SH3RF3: variants seen among roughly 807,000 people sequenced by gnomAD.
The protein encoded by SH3RF3 is SH3 domain containing ring finger 3, also known as E3 ubiquitin-protein ligase SH3RF3.
Under a neutral mutation model 66.3 loss-of-function variants are expected in SH3RF3, and 29 were observed. The ratio of observed to expected loss-of-function variants is 0.44; its 90% confidence interval spans 0.33 to 0.60. SH3RF3 has a LOEUF of 0.60. SH3RF3 is among the 20% of genes least tolerant of loss of function. The probability of loss-of-function intolerance (pLI) is 0.04; values close to 1 mark genes in which losing one functional copy is unlikely to be tolerated. For missense variants in SH3RF3, 1,194 were observed against 1,190.9 expected (o/e 1.00, Z -0.04); for synonymous variants, 583 against 532.0 (o/e 1.10, Z -1.32).
intron 1 of SH3RF3, among the ~76,000 whole-genome samples, chr2:109,259,543 T>A (rs1680302869): frequency 6.6e-6 from 1 of 152,224 alleles, no homozygotes; most frequent in Non-Finnish European, 1.5e-5. Flanking sequence ...TGCCTTAACA[T>A]CCCAAGAGGC....
chr2:109,415,700 T>C (rs72945391), intron 4 of SH3RF3, among the ~76,000 whole-genome samples: 1,960 of 152,214 alleles, frequency 0.013, 34 homozygotes, highest in African/African-American at 0.044. Context: ...CCTGTCCTCA[T>C]CCCGTGGGGA....
At chr2:109,151,817 C>T (rs1677231266) in intron 1 of SH3RF3, among the ~76,000 whole-genome samples, 1 of 152,248 alleles carries the variant, frequency 6.6e-6, no homozygotes, top group African/African-American at 2.4e-5. Flanking sequence ...TTTGCATCTG[C>T]AAATTGTGGT....
chr2:109,289,261 C>A (rs981369661), intron 1 of SH3RF3, among the ~76,000 whole-genome samples: 11 of 152,208 alleles, frequency 7.2e-5, no homozygotes, highest in African/African-American at 2.7e-4. Context: ...GCCACATTAT[C>A]ACCCACTGGC....
chr2:109,304,771 G>A (rs890152929), intron 1 of SH3RF3, among the ~76,000 whole-genome samples: 27 of 152,318 alleles, frequency 1.8e-4, no homozygotes, highest in South Asian at 1.5e-3. Context: ...GAGGAAAGGA[G>A]CAGGGACCCG....
intron 8 of SH3RF3, among the ~76,000 whole-genome samples, chr2:109,462,185 C>T (rs557825737): frequency 4.7e-5 from 7 of 149,628 alleles, no homozygotes; most frequent in African/African-American, 9.9e-5. Context: ...TGGGCCATCT[C>T]GTATGACATC....
intron 4 of SH3RF3, among the ~76,000 whole-genome samples, chr2:109,400,411 T>C (rs1306894823): frequency 6.6e-6 from 1 of 152,068 alleles, no homozygotes; most frequent in African/African-American, 2.4e-5. Flanking sequence ...TATACACATA[T>C]ACACCTGTGC....
rs540218373 is a variant in SH3RF3 at position 109,463,406 on chromosome 2, G to T, written c.2148+13917G>T. On this transcript the variant is annotated intron_variant, in intron 8 of 9. Coordinates refer to ENST00000309415, the MANE Select transcript of SH3RF3 (RefSeq NM_001099289.3). The stretch of plus-strand genomic sequence containing the variant: ...TGCTCTGGGACCCAGTCACTTCCAG[G>T]TTTCCCAGTTCCATGGCCATAGTTC... Among the ~76,000 whole-genome samples the T allele has an allele frequency of 3.3e-5, 5 of 152,266 alleles. No individual in the cohort carries two copies. The South Asian group carries it at 8.3e-4, about 25-fold the overall frequency.
intron 1 of SH3RF3, among the ~76,000 whole-genome samples, chr2:109,340,756 C>A (rs1003569028): frequency 6.6e-6 from 1 of 152,170 alleles, no homozygotes; most frequent in African/African-American, 2.4e-5. Flanking sequence ...CACGGAAGGG[C>A]AGATTTGATT....
intron 1 of SH3RF3, among the ~76,000 whole-genome samples, chr2:109,144,257 A>G (rs1209455102): frequency 6.6e-6 from 1 of 152,230 alleles, no homozygotes; most frequent in Non-Finnish European, 1.5e-5. Flanking sequence ...TGGAATGTAT[A>G]TGTATATCAA....
At chr2:109,379,060 C>G (rs1683453142) in intron 3 of SH3RF3, among the ~76,000 whole-genome samples, 1 of 152,170 alleles carries the variant, frequency 6.6e-6, no homozygotes, top group Non-Finnish European at 1.5e-5. Context: ...AACCCAGAGA[C>G]AGTAACAGAG....
intron 1 of SH3RF3, among the ~76,000 whole-genome samples, chr2:109,234,372 C>T (rs908646867): frequency 3.9e-5 from 6 of 152,186 alleles, no homozygotes; most frequent in Non-Finnish European, 5.9e-5. Flanking sequence ...AAACATAAGG[C>T]CCTTAAGGGG....
At chr2:109,495,477 C>CTTTTTTTTTTTTTTTTTTTTTTTTTTT (rs569509984) in intron 9 of SH3RF3, among the ~76,000 whole-genome samples, 1 of 94,240 alleles carries the variant, frequency 1.1e-5, no homozygotes, top group Non-Finnish European at 2.0e-5. Flanking sequence ...TCTTTCATTC[C>CTTTTTTTTTTTTTTTTTTTTTTTTTTT]TTTTTTTTTT....
chr2:109,396,496 G>A (rs919895111), intron 3 of SH3RF3, among the ~76,000 whole-genome samples: 2 of 152,216 alleles, frequency 1.3e-5, no homozygotes, highest in African/African-American at 2.4e-5. Flanking sequence ...CGGCCTGCAC[G>A]GAGCAGCCCT....
At chr2:109,180,040 T>C (rs749250851) in intron 1 of SH3RF3, among the ~76,000 whole-genome samples, 29 of 152,124 alleles carry the variant, frequency 1.9e-4, no homozygotes, top group Non-Finnish European at 3.7e-4. Context: ...TGGGATCTTA[T>C]TGTAAGGTTT....
chr2:109,498,974 G>A (rs948971011), intron 9 of SH3RF3, among the ~76,000 whole-genome samples: 3 of 152,208 alleles, frequency 2.0e-5, no homozygotes, highest in African/African-American at 7.2e-5. Context: ...GAAGGGCGCA[G>A]TGTGGAGGGC....
At chr2:109,300,324 C>G (rs779118952) in intron 1 of SH3RF3, among the ~76,000 whole-genome samples, 1 of 152,000 alleles carries the variant, frequency 6.6e-6, no homozygotes, top group Admixed American at 6.6e-5. Flanking sequence ...GGACTATAGT[C>G]GCACGCCACC....
At chr2:109,460,918 G>A (rs970608757) in intron 8 of SH3RF3, among the ~76,000 whole-genome samples, 2 of 152,202 alleles carry the variant, frequency 1.3e-5, no homozygotes, top group Non-Finnish European at 2.9e-5. Context: ...CCAGAGAGGG[G>A]CTGCAGTGCT....
intron 1 of SH3RF3, among the ~76,000 whole-genome samples, chr2:109,174,273 A>T (rs1278045834): frequency 6.6e-6 from 1 of 152,248 alleles, no homozygotes; most frequent in Non-Finnish European, 1.5e-5. Flanking sequence ...AGGCAGAGAG[A>T]AGGACTAAGT....
At chr2:109,366,007 C>T (rs1035880088) in intron 2 of SH3RF3, among the ~76,000 whole-genome samples, 13 of 152,102 alleles carry the variant, frequency 8.5e-5, no homozygotes, top group African/African-American at 3.1e-4. Context: ...TGTTTTCTGG[C>T]ATATAAGACA....
Sources: gnomAD v4.1 joint callset for allele counts (sites outside exome capture counted in the v4.1 genomes callset) on GRCh38, gnomAD v4.1.1 for gene constraint, MANE v1.5 for transcripts, NCBI Gene and HGNC (gene_info 2026-07-23, HGNC 2026-07-21) for gene names.